The following CSMD1 variants were observed in gnomAD, a reference collection of about 807,000 sequenced individuals.
The protein encoded by CSMD1 is CUB and Sushi multiple domains 1, also known as CUB and sushi domain-containing protein 1.
Under a neutral mutation model 417.5 loss-of-function variants are expected in CSMD1, and 213 were observed. The ratio of observed to expected loss-of-function variants is 0.51; its 90% CI spans 0.46 to 0.57. The LOEUF is 0.57. CSMD1 is among the 20% of genes least tolerant of loss of function. CSMD1 has a pLI of 0.00. For synonymous variants in CSMD1, 2,862 were observed against 1,736.8 expected (o/e 1.65, Z -16.11); for missense variants, 6,923 against 4,529.7 (o/e 1.53, Z -15.17).
chr8:3,191,973 C>T (rs554126834), intron 33 of CSMD1, among the ~76,000 whole-genome samples: 25 of 152,256 alleles, frequency 1.6e-4, no homozygotes, highest in Admixed American at 4.6e-4. Flanking sequence ...CTTCCCACGG[C>T]TTTTTCTGAC....
chr8:4,147,138 C>CT (rs1468825720), intron 3 of CSMD1, among the ~76,000 whole-genome samples: 3 of 152,064 alleles, frequency 2.0e-5, no homozygotes, highest in Non-Finnish European at 4.4e-5. Context: ...CTCAGTTACC[C>CT]TCACATGATT....
intron 15 of CSMD1, among the ~76,000 whole-genome samples, chr8:3,403,016 T>C (rs984137603): frequency 2.6e-5 from 4 of 152,138 alleles, no homozygotes; most frequent in Admixed American, 2.0e-4. Context: ...AAGGTTTGAG[T>C]TTCTCTTTAA....
chr8:4,390,626 G>T (rs977252395), intron 3 of CSMD1, among the ~76,000 whole-genome samples: 1 of 151,928 alleles, frequency 6.6e-6, no homozygotes, highest in South Asian at 2.1e-4. Flanking sequence ...CCATTCTCCT[G>T]CCTCAGCCTC....
At chr8:2,951,704 G>T (rs1459409193) in intron 65 of CSMD1, among the ~76,000 whole-genome samples, 1 of 152,118 alleles carries the variant, frequency 6.6e-6, no homozygotes, top group East Asian at 1.9e-4. Context: ...AGGCTCCAAA[G>T]AACTGATATA....
At chr8:4,395,121 T>C (rs1258390199) in intron 3 of CSMD1, among the ~76,000 whole-genome samples, 2 of 151,994 alleles carry the variant, frequency 1.3e-5, no homozygotes, top group Admixed American at 6.6e-5. Context: ...ACCCAGAGAG[T>C]GGAGCTGAAG....
intron 3 of CSMD1, among the ~76,000 whole-genome samples, chr8:4,330,561 G>A (rs1799810360): frequency 6.6e-6 from 1 of 150,492 alleles, no homozygotes; most frequent in South Asian, 2.1e-4. Context: ...CAGCACTTCA[G>A]CCTGGGCAAC....
chr8:4,929,198 G>A (rs1047915300), intron 1 of CSMD1, among the ~76,000 whole-genome samples: 4 of 152,150 alleles, frequency 2.6e-5, no homozygotes, highest in African/African-American at 7.2e-5. Flanking sequence ...AACAGAGCAC[G>A]AGGGGACACA....
chr8:4,990,618 C>A (rs994017823), intron 1 of CSMD1, among the ~76,000 whole-genome samples: 2 of 152,146 alleles, frequency 1.3e-5, no homozygotes, highest in African/African-American at 4.8e-5. Flanking sequence ...CTCAGCCTCC[C>A]AAAGTGCTGA....
chr8:4,969,886 C>A (rs1328611606), intron 1 of CSMD1, among the ~76,000 whole-genome samples: 1 of 152,030 alleles, frequency 6.6e-6, no homozygotes, highest in Non-Finnish European at 1.5e-5. Context: ...ACGAGTGTAT[C>A]AAAATAAAGG....
chr8:4,836,682 A>G lies in CSMD1; in HGVS notation c.85+157650T>C, dbSNP rs116150904. ...GCTTTGAAATTTTAGTTTTTTATTC[A>G]TCTCGTCGCTTCCACCTTTCTATCA... On this transcript the variant is annotated intron_variant, in intron 1 of 69. Coordinates refer to ENST00000635120, the MANE Select transcript of CSMD1 (RefSeq NM_033225.6). Among the ~76,000 whole-genome samples the G allele has an allele frequency of 4.5e-3, 691 of 152,212 alleles. 5 individuals are homozygous for G. The highest frequency in any genetic ancestry group is 0.015 in the African/African-American group (640 of 41,538).
At chr8:4,971,265 C>T (rs1399001313) in intron 1 of CSMD1, among the ~76,000 whole-genome samples, 2 of 151,910 alleles carry the variant, frequency 1.3e-5, no homozygotes, top group Admixed American at 6.6e-5. Context: ...TTTATATAAG[C>T]CTCTTATAAA....
intron 5 of CSMD1, among the ~76,000 whole-genome samples, chr8:3,776,363 T>G (rs1256032421): frequency 6.6e-6 from 1 of 152,176 alleles, no homozygotes; most frequent in Non-Finnish European, 1.5e-5. Context: ...GTCACCTGTC[T>G]CACTGAGAGT....
chr8:4,040,664 A>G (rs1797839171), intron 3 of CSMD1, among the ~76,000 whole-genome samples: 1 of 152,178 alleles, frequency 6.6e-6, no homozygotes, highest in Admixed American at 6.5e-5. Context: ...ACATAGTTTT[A>G]AAAAACATGT....
intron 1 of CSMD1, chr8:4,787,325 C>G (rs1797456341): frequency 5.5e-6 from 4 of 724,552 alleles, no homozygotes; most frequent in Admixed American, 4.1e-5. Context: ...TCAGCCCACT[C>G]AGGATAATGG....
At chr8:3,447,183 T>C (rs1815357517) in intron 12 of CSMD1, among the ~76,000 whole-genome samples, 1 of 152,184 alleles carries the variant, frequency 6.6e-6, no homozygotes, top group African/African-American at 2.4e-5. Context: ...AAAAGAACTC[T>C]ATGGCAAAGA....
At chr8:4,319,861 G>C (rs949470494) in intron 3 of CSMD1, among the ~76,000 whole-genome samples, 1 of 152,160 alleles carries the variant, frequency 6.6e-6, no homozygotes, top group African/African-American at 2.4e-5. Context: ...TATTATGCAG[G>C]TAACAGAGGT....
chr8:4,434,578 T>A (rs558845135), intron 2 of CSMD1, among the ~76,000 whole-genome samples: 25 of 152,076 alleles, frequency 1.6e-4, no homozygotes, highest in Non-Finnish European at 3.1e-4. Context: ...GAGGAGGAAG[T>A]TCATGTTACA....
rs372711050 is a variant in CSMD1, at chr8:3,185,761, C to T, written c.5620+2108G>A. 3.9e-4 allele frequency among the ~76,000 whole-genome samples: 60 copies of T among 152,228 alleles called. 1 individual carries two copies. The South Asian group carries it at 0.012, about 29-fold the overall frequency. ...CTAAGCAGGTTTTACCAACTGAATT[C>T]ATAAACTGTGAGGTAGGTGCTAGGA... is the stretch of plus-strand genomic sequence containing the variant. On this transcript the variant is annotated intron_variant, in intron 36 of 69. Transcript: ENST00000635120.
At chr8:3,840,358 G>A (rs114773611) in intron 5 of CSMD1, among the ~76,000 whole-genome samples, 2,560 of 152,252 alleles carry the variant, frequency 0.017, 65 homozygotes, top group African/African-American at 0.057. Flanking sequence ...GAAAACTCTA[G>A]TGCACAAATA....
Sources: allele counts gnomAD v4.1 joint callset (sites outside exome capture counted in the v4.1 genomes callset), GRCh38; gene constraint gnomAD v4.1.1; transcripts MANE v1.5; gene names NCBI Gene and HGNC (gene_info 2026-07-23, HGNC 2026-07-21).